Variants in BDH1 observed in about 807,000 individuals in gnomAD.
The protein encoded by BDH1 is D-beta-hydroxybutyrate dehydrogenase, mitochondrial.
A neutral mutation model predicts 33.1 loss-of-function variants in BDH1; 30 were observed. That is an observed-to-expected ratio of 0.91 (90% CI 0.68 to 1.23). The LOEUF (loss-of-function observed/expected upper bound fraction) is 1.23, where lower values mean the gene tolerates loss of function less well. BDH1 is among the 50% of genes most tolerant of loss of function. BDH1 has a pLI of 0.00. For missense variants in BDH1, 443 were observed against 464.4 expected, an observed-to-expected ratio of 0.95 and a Z score of 0.42; for synonymous variants, 190 against 183.6, an observed-to-expected ratio of 1.03 and a Z score of -0.28.
At chr3:197,562,002 T>C (rs1250797000) in intron 1 of BDH1, among the ~76,000 whole-genome samples, 3 of 152,210 alleles carry the variant, frequency 2.0e-5, no homozygotes, top group Non-Finnish European at 4.4e-5. Context: ...GAGTGTTGTG[T>C]TTTCTCTGTG....
chr3:197,532,213 G>A (rs1714726830), intron 5 of BDH1, among the ~76,000 whole-genome samples, 199 bp downstream of exon 5: 1 of 152,200 alleles, frequency 6.6e-6, no homozygotes, highest in Non-Finnish European at 1.5e-5. Flanking sequence ...ATGGATAGAT[G>A]AGAGGATGGA....
At chr3:197,553,080 G>C (rs1716700207) in intron 2 of BDH1, among the ~76,000 whole-genome samples, 1 of 152,062 alleles carries the variant, frequency 6.6e-6, no homozygotes, top group Non-Finnish European at 1.5e-5. Context: ...GCCATGCCTG[G>C]CTAATTTTTG....
At chr3:197,545,436 G>A (rs981032582) in intron 3 of BDH1, among the ~76,000 whole-genome samples, 1 of 152,274 alleles carries the variant, frequency 6.6e-6, no homozygotes, top group Non-Finnish European at 1.5e-5. Flanking sequence ...GCTGAGAAAA[G>A]CACCGCTTCA....
At chr3:197,559,919 A>G (rs1396029990), upstream of BDH1, among the ~76,000 whole-genome samples, 3 of 152,210 alleles carry the variant, frequency 2.0e-5, no homozygotes, top group Non-Finnish European at 4.4e-5. Context: ...GTCTGTGGAA[A>G]TCAGGTCACT....
chr3:197,543,408 G>A lies in BDH1; in HGVS notation c.83+2953C>T, dbSNP rs542089349. Among the ~76,000 whole-genome samples, 4 of 152,368 alleles carry A rather than the reference G, an allele frequency of 2.6e-5. No individual in the cohort carries two copies. The East Asian group carries it at 7.7e-4, about 29-fold the overall frequency. ...GGCCACCCTGGGAGCACTATGTGCTGTACCTGGCCTGGCAGAGCTGAGCAC... is the reference window on the plus strand; with the variant it reads ...GGCCACCCTGGGAGCACTATGTGCTATACCTGGCCTGGCAGAGCTGAGCAC... On this transcript the variant is annotated intron_variant, in intron 3 of 7. Transcript: ENST00000392379.
At chr3:197,553,648 G>C (rs1716759227) in intron 2 of BDH1, among the ~76,000 whole-genome samples, 1 of 152,136 alleles carries the variant, frequency 6.6e-6, no homozygotes, top group Admixed American at 6.5e-5. Flanking sequence ...CAGAAGCAGG[G>C]AGACCCATTA....
At chr3:197,531,449 A>G (rs967636477) in intron 5 of BDH1, among the ~76,000 whole-genome samples, 16 of 146,820 alleles carry the variant, frequency 1.1e-4, no homozygotes, top group African/African-American at 3.9e-4. Flanking sequence ...GTATATATAT[A>G]TATACATATA....
chr3:197,546,584 T>G, intron 2 of BDH1, 98 bp from the exon 3 acceptor site: 1 of 771,698 alleles, frequency 1.3e-6, no homozygotes, highest in Admixed American at 2.4e-5. Context: ...CAAACTGGGC[T>G]GCATCTGTTC....
At chr3:197,560,101 C>T (rs781011161), upstream of BDH1, among the ~76,000 whole-genome samples, 9 of 152,202 alleles carry the variant, frequency 5.9e-5, 1 homozygote, top group South Asian at 1.2e-3. Context: ...GGAAACAGTC[C>T]TTAGTCCCTG....
At chr3:197,552,014 G>A (rs530622626) in intron 2 of BDH1, among the ~76,000 whole-genome samples, 10 of 152,246 alleles carry the variant, frequency 6.6e-5, no homozygotes, top group South Asian at 2.1e-4. Context: ...TTCACATGCC[G>A]CCAACTCCCG....
chr3:197,526,265 G>A lies in BDH1; in HGVS notation c.268-3484C>T, dbSNP rs952712754. ...AAGCTTTCCCCTGCCCAGCCCTGAG[G>A]GCTGTGGGAAGTAGGTGCTGGTGGA... is the stretch of plus-strand genomic sequence containing the variant. On this transcript the variant is annotated intron_variant, in intron 5 of 7. Coordinates refer to ENST00000392379, the MANE Select transcript of BDH1 (RefSeq NM_203314.3). This position sits in a 1 kb window ranked among gnomAD's most constrained non-coding sequence, Gnocchi z 4.7. 1.6e-4 allele frequency among the ~76,000 whole-genome samples: 24 copies of A among 152,292 alleles called. 1 individual carries two copies. Among genetic ancestry groups the A allele is most frequent in the Admixed American group, 9.2e-4 (14 of 15,296 alleles).
At chr3:197,560,077 G>A (rs1164944345), upstream of BDH1, among the ~76,000 whole-genome samples, 1 of 152,220 alleles carries the variant, frequency 6.6e-6, no homozygotes, top group Non-Finnish European at 1.5e-5. Context: ...AAATTAGCAC[G>A]TTAGTTTTGG....
intron 5 of BDH1, 135 bp downstream of exon 5, chr3:197,532,277 G>T: frequency 1.5e-6 from 1 of 672,450 alleles, no homozygotes; most frequent in Non-Finnish European, 2.7e-6. Context: ...GAACAAGTGG[G>T]ACTGAAGCCG....
chr3:197,545,544 C>T (rs1447359881), intron 3 of BDH1, among the ~76,000 whole-genome samples: 1 of 152,192 alleles, frequency 6.6e-6, no homozygotes, highest in Non-Finnish European at 1.5e-5. Flanking sequence ...GACTGAAGAC[C>T]TGTCCCCGGC....
rs1237256075 is a variant in BDH1, at chr3:197,531,456, T to C, written c.267+956A>G. ...ATATATGTGTATATATATATATACA[T>C]ATATGTATATATATATAGCATAGGC... On this transcript the variant is annotated intron_variant, in intron 5 of 7. Transcript: ENST00000392379. Among the ~76,000 whole-genome samples, 8 of 146,636 alleles carry C rather than the reference T, an allele frequency of 5.5e-5. No individual in the cohort carries two copies. In the East Asian group the frequency reaches 7.8e-4, roughly 14 times the overall value.
intron 2 of BDH1, among the ~76,000 whole-genome samples, chr3:197,551,401 C>T (rs1043343767): frequency 2.6e-5 from 4 of 152,178 alleles, no homozygotes; most frequent in African/African-American, 9.7e-5. Context: ...AATGACAGAT[C>T]TCATTCTTTT....
chr3:197,541,463 A>T (rs10084709), intron 3 of BDH1, among the ~76,000 whole-genome samples: 1,688 of 152,212 alleles, frequency 0.011, 25 homozygotes, highest in African/African-American at 0.037. Flanking sequence ...TTTGCAAATG[A>T]AATACCATGT....
At position 197,543,044 on chromosome 3, in the gene BDH1, C is replaced by T. The variant is rs1026928381; in HGVS notation, c.83+3317G>A. On this transcript the variant is annotated intron_variant, in intron 3 of 7. Transcript: ENST00000392379. Reference sequence around the variant, plus strand: ...CCCTATGCTGGCCAGGGCGTTCATTCTGGCTTCTTCTCTATCTTACCAGTC... The same window carrying T: ...CCCTATGCTGGCCAGGGCGTTCATTTTGGCTTCTTCTCTATCTTACCAGTC... 20 of 985,310 alleles carry T rather than the reference C, an allele frequency of 2.0e-5. No homozygotes were observed. In the African/African-American group the frequency reaches 3.3e-4, roughly 16 times the overall value. The allele number at this position is 985,310 out of a possible 1,614,324, so 61.0% of individuals were successfully genotyped here.
At chr3:197,531,432 TATATGTGTATATATATATATAC>T (rs1371142697) in intron 5 of BDH1, among the ~76,000 whole-genome samples, 42 of 146,684 alleles carry the variant, frequency 2.9e-4, no homozygotes, top group Admixed American at 1.0e-3. Flanking sequence ...TATATATATA[TATATGTGTATATATATATATAC>T]ATATATGTAT....
Sources: allele counts gnomAD v4.1 joint callset (sites outside exome capture counted in the v4.1 genomes callset), GRCh38; gene constraint gnomAD v4.1.1; non-coding constraint Gnocchi (gnomAD v3.1); transcripts MANE v1.5; gene names NCBI Gene and HGNC (gene_info 2026-07-23, HGNC 2026-07-21).